The following NTRK2 variants were observed in gnomAD, a reference collection of about 807,000 sequenced individuals.
NTRK2 encodes neurotrophic receptor tyrosine kinase 2, also known as BDNF/NT-3 growth factors receptor.
Under a neutral mutation model 94.5 loss-of-function variants are expected in NTRK2, and 13 were observed. The ratio of observed to expected loss-of-function variants is 0.14; its 90% CI spans 0.09 to 0.22. The LOEUF is 0.22. Among genes scored for constraint, NTRK2 ranks in the 10% least tolerant of loss-of-function variants. The probability of loss-of-function intolerance (pLI) is 1.00; values close to 1 mark genes in which losing one functional copy is unlikely to be tolerated. For missense variants in NTRK2, 639 were observed against 1,071.2 expected (o/e 0.60, Z 5.63); for synonymous variants, 372 against 407.4 (o/e 0.91, Z 1.05).
At chr9:84,724,629 A>G (rs745724360) in intron 8 of NTRK2, among the ~76,000 whole-genome samples, 1 of 152,118 alleles carries the variant, frequency 6.6e-6, no homozygotes, top group African/African-American at 2.4e-5. Flanking sequence ...GATAGAATAT[A>G]CTTTGGGCTG....
intron 17 of NTRK2, among the ~76,000 whole-genome samples, chr9:84,974,279 G>T (rs567327317): frequency 6.0e-5 from 9 of 151,052 alleles, no homozygotes; most frequent in Admixed American, 3.9e-4. Flanking sequence ...TAGAGCCAGG[G>T]CCTCTCCTCA....
chr9:84,831,526 C>A (rs1266290030), intron 12 of NTRK2, among the ~76,000 whole-genome samples: 1 of 152,116 alleles, frequency 6.6e-6, no homozygotes, highest in Non-Finnish European at 1.5e-5. Context: ...TAGCATATAC[C>A]AGACAGTACT....
intron 14 of NTRK2, among the ~76,000 whole-genome samples, chr9:84,915,171 C>T (rs1348040012): frequency 1.3e-5 from 2 of 152,164 alleles, no homozygotes; most frequent in Non-Finnish European, 2.9e-5. Flanking sequence ...CTGCTCACTG[C>T]CTGCTGTGCG....
rs1396539815 is a variant in NTRK2 at position 85,024,866 on chromosome 9, T to C, written c.*3429T>C. 1 of 232,866 alleles carries C rather than the reference T, an allele frequency of 4.3e-6. No individual in the cohort carries two copies. The highest frequency in any genetic ancestry group is 8.5e-6 in the Non-Finnish European group (1 of 117,876). The allele number at this position is 232,866 out of a possible 1,614,324, so 14.4% of individuals were successfully genotyped here. On this transcript the variant is annotated 3_prime_UTR_variant, in exon 19 of 19. Transcript: ENST00000277120. ...ATTATATCAGAATTCATATTATACA[T>C]GTGTTCACATCAGCGCTACCTGTGA... is the stretch of plus-strand genomic sequence containing the variant.
rs1049854829 is a variant in NTRK2, at chr9:85,026,209, G to A, written c.*4772G>A. The A allele has an allele frequency of 4.4e-6, 1 of 229,392 alleles. No homozygotes were observed. Among genetic ancestry groups the A allele is most frequent in the African/African-American group, 2.2e-5 (1 of 45,026 alleles). 14.2% of individuals were successfully genotyped at this position (229,392 alleles called of 1,614,324 possible). ...TGAATTTCACAACAACCACCACCAA[G>A]CAACTATTTTGCCATCTTAACATAC... On this transcript the variant is annotated 3_prime_UTR_variant, in exon 19 of 19. Coordinates refer to ENST00000277120, the MANE Select transcript of NTRK2 (RefSeq NM_006180.6).
At chr9:84,730,949 A>G (rs545990900) in intron 9 of NTRK2, among the ~76,000 whole-genome samples, 11 of 152,224 alleles carry the variant, frequency 7.2e-5, no homozygotes, top group African/African-American at 2.2e-4. Context: ...AAGAAATTTC[A>G]GCTACTTTCT....
At chr9:84,789,174 G>T (rs2068455679) in intron 12 of NTRK2, among the ~76,000 whole-genome samples, 1 of 152,168 alleles carries the variant, frequency 6.6e-6, no homozygotes, top group African/African-American at 2.4e-5. Context: ...CACGCAGGGG[G>T]AGAGAAGAAA....
Position 84,710,689 on chromosome 9 carries a change from A to G in NTRK2, c.481A>G (p.Thr161Ala). The G allele has an allele frequency of 6.2e-7, 1 of 1,614,040 alleles. No individual in the cohort carries two copies. The highest frequency in any genetic ancestry group is 2.2e-5 in the East Asian group (1 of 44,862). The part of the protein sequence containing the change: ...TCSCDIMWIK[T>A]LQEAKSSPDT... ...CTCCTGTGACATTATGTGGATCAAG[A>G]CTCTCCAAGAGGCTAAATCCAGTCC... is the stretch of plus-strand genomic sequence containing the variant. Residue 161 changes from threonine (T) to alanine (A), a missense_variant, in exon 6 of 19, where the codon ACT becomes GCT. Around this residue, in one of 5 missense-constraint regions of NTRK2, gnomAD observed 206 missense variants for 251.5 expected, o/e 0.82. Coordinates refer to ENST00000277120, the MANE Select transcript of NTRK2 (RefSeq NM_006180.6).
chr9:84,788,703 G>C (rs1449088682), intron 12 of NTRK2, among the ~76,000 whole-genome samples: 1 of 152,026 alleles, frequency 6.6e-6, no homozygotes, highest in Non-Finnish European at 1.5e-5. Context: ...TGAGGAGGGG[G>C]AGCAAATGGC....
intron 14 of NTRK2, among the ~76,000 whole-genome samples, chr9:84,888,435 C>A (rs1220262785): frequency 6.6e-6 from 1 of 151,006 alleles, no homozygotes; most frequent in Non-Finnish European, 1.5e-5. Flanking sequence ...ATGGTGAAAC[C>A]CCGTTTCTAC....
intron 12 of NTRK2, among the ~76,000 whole-genome samples, chr9:84,785,595 C>T (rs1290289063): frequency 6.6e-6 from 1 of 152,152 alleles, no homozygotes; most frequent in East Asian, 1.9e-4. Context: ...TTGGCTCATG[C>T]TATTGAGATA....
chr9:84,808,101 A>C (rs1211204719), intron 12 of NTRK2, among the ~76,000 whole-genome samples: 2 of 152,184 alleles, frequency 1.3e-5, no homozygotes, highest in African/African-American at 4.8e-5. Flanking sequence ...CACAAAAGGC[A>C]AGCACAAGAA....
At chr9:84,809,883 A>G (rs77977245) in intron 12 of NTRK2, among the ~76,000 whole-genome samples, 8 of 17,472 alleles carry the variant, frequency 4.6e-4, no homozygotes, top group Non-Finnish European at 1.6e-3. Flanking sequence ...CTCTGTCTGG[A>G]AAAAAAAAAA....
At chr9:84,964,261 C>T (rs947644450) in intron 17 of NTRK2, among the ~76,000 whole-genome samples, 2 of 152,150 alleles carry the variant, frequency 1.3e-5, no homozygotes, top group African/African-American at 2.4e-5. Flanking sequence ...TTGTGTGTTA[C>T]TGTTAAGATT....
chr9:84,742,077 A>G (rs969262082), intron 10 of NTRK2, 150 bp downstream of exon 10: 1 of 714,028 alleles, frequency 1.4e-6, no homozygotes, highest in Non-Finnish European at 2.4e-6. Flanking sequence ...AAATCATTCA[A>G]TATTGATGGC....
At chr9:84,845,465 A>C (rs2074421669) in intron 12 of NTRK2, among the ~76,000 whole-genome samples, 1 of 152,242 alleles carries the variant, frequency 6.6e-6, no homozygotes, top group South Asian at 2.1e-4. Flanking sequence ...GTTTAATTGA[A>C]AGACTTTAAT....
chr9:84,829,381 T>G (rs2073390997), intron 12 of NTRK2, among the ~76,000 whole-genome samples: 1 of 152,160 alleles, frequency 6.6e-6, no homozygotes, highest in Admixed American at 6.5e-5. Context: ...TTGTTTGTTT[T>G]TTGTTCTTTT....
At chr9:84,694,858 T>G (rs916058825) in intron 2 of NTRK2, among the ~76,000 whole-genome samples, 28 of 151,744 alleles carry the variant, frequency 1.8e-4, no homozygotes, top group African/African-American at 6.3e-4. Flanking sequence ...AGATGATAGA[T>G]TGATTGATAG....
intron 17 of NTRK2, among the ~76,000 whole-genome samples, chr9:84,992,407 C>G (rs1190521957): frequency 6.6e-6 from 1 of 152,068 alleles, no homozygotes; most frequent in Non-Finnish European, 1.5e-5. Flanking sequence ...TCGGGGGCTA[C>G]TCCACTAGAG....
Sources: gnomAD v4.1 joint callset for allele counts (sites outside exome capture counted in the v4.1 genomes callset) on GRCh38, gnomAD v4.1.1 for gene constraint, gnomAD v4.1.1 regional missense constraint, MANE v1.5 for transcripts, NCBI Gene and HGNC (gene_info 2026-07-23, HGNC 2026-07-21) for gene names.